Variants in HS3ST4 observed in about 807,000 individuals in gnomAD.
The protein encoded by HS3ST4 is heparan sulfate glucosamine 3-O-sulfotransferase 4.
A neutral mutation model predicts 29.2 loss-of-function variants in HS3ST4; 17 were observed. The ratio of observed to expected loss-of-function variants is 0.58; its 90% CI spans 0.40 to 0.87. The LOEUF (loss-of-function observed/expected upper bound fraction) is 0.87, where lower values mean the gene tolerates loss of function less well. Ranked by LOEUF, HS3ST4 falls within the 40% of genes least tolerant of loss-of-function variation. HS3ST4 has a pLI of 0.00. For missense variants in HS3ST4, 627 were observed against 634.5 expected, an observed-to-expected ratio of 0.99 and a Z score of 0.13; for synonymous variants, 314 against 285.7, an observed-to-expected ratio of 1.10 and a Z score of -1.00.
intron 1 of HS3ST4, among the ~76,000 whole-genome samples, chr16:25,883,604 T>TCTAAC (rs1967916718): frequency 6.6e-6 from 1 of 152,340 alleles, no homozygotes; most frequent in African/African-American, 2.4e-5. Flanking sequence ...AACCTATGTG[T>TCTAAC]CTTCTGGAAT....
chr16:25,914,780 C>T (rs1008897659), intron 1 of HS3ST4, among the ~76,000 whole-genome samples: 1 of 151,842 alleles, frequency 6.6e-6, no homozygotes, highest in African/African-American at 2.4e-5. Flanking sequence ...TTGGAGCCTG[C>T]TGTGCTTGAG....
At chr16:26,097,482 A>G (rs1004799346) in intron 1 of HS3ST4, among the ~76,000 whole-genome samples, 1 of 152,246 alleles carries the variant, frequency 6.6e-6, no homozygotes, top group Admixed American at 6.5e-5. Context: ...AGAAATAGGA[A>G]AAGGATTCCC....
At chr16:26,116,693 A>T (rs1596687042) in intron 1 of HS3ST4, among the ~76,000 whole-genome samples, 1 of 152,138 alleles carries the variant, frequency 6.6e-6, no homozygotes, top group African/African-American at 2.4e-5. Flanking sequence ...ACATTTGTTT[A>T]TTTATTATTT....
At chr16:25,853,851 G>A (rs562978606) in intron 1 of HS3ST4, among the ~76,000 whole-genome samples, 2 of 152,224 alleles carry the variant, frequency 1.3e-5, no homozygotes, top group South Asian at 4.1e-4. Flanking sequence ...TTTTGTATCA[G>A]GGTGGTGCTA....
intron 1 of HS3ST4, among the ~76,000 whole-genome samples, chr16:25,927,763 C>T (rs7206013): frequency 2.6e-5 from 4 of 151,710 alleles, no homozygotes; most frequent in Non-Finnish European, 5.9e-5. Flanking sequence ...TATTGAAAAC[C>T]CCTCCATTCC....
chr16:26,091,941 T>C (rs1898862565), intron 1 of HS3ST4, among the ~76,000 whole-genome samples: 1 of 152,156 alleles, frequency 6.6e-6, no homozygotes, highest in Non-Finnish European at 1.5e-5. Flanking sequence ...TGAAAACCCC[T>C]TCCCTCCTGG....
intron 1 of HS3ST4, among the ~76,000 whole-genome samples, chr16:25,845,655 A>G (rs1967459033): frequency 7.3e-6 from 1 of 136,972 alleles, no homozygotes; most frequent in African/African-American, 3.4e-5. Context: ...ATGTAATAAT[A>G]ATAATAATAA....
chr16:25,801,351 ATAT>A (rs1966932210), intron 1 of HS3ST4, among the ~76,000 whole-genome samples: 1 of 152,118 alleles, frequency 6.6e-6, no homozygotes, highest in Non-Finnish European at 1.5e-5. Context: ...GCAGTTTTTA[ATAT>A]TATTATGATA....
intron 1 of HS3ST4, among the ~76,000 whole-genome samples, chr16:26,006,067 G>A (rs977211687): frequency 6.6e-6 from 1 of 152,030 alleles, no homozygotes; most frequent in Non-Finnish European, 1.5e-5. Flanking sequence ...GGGAGGCTGA[G>A]GTATGTGAAT....
intron 1 of HS3ST4, among the ~76,000 whole-genome samples, chr16:25,776,142 T>C (rs1966847365): frequency 6.6e-6 from 1 of 152,150 alleles, no homozygotes; most frequent in South Asian, 2.1e-4. Context: ...GCTCAGAGTT[T>C]TTCTACATAG....
At chr16:26,043,236 C>A (rs546086011) in intron 1 of HS3ST4, among the ~76,000 whole-genome samples, 77 of 152,242 alleles carry the variant, frequency 5.1e-4, no homozygotes, top group African/African-American at 1.7e-3. Flanking sequence ...TATGGTAAAG[C>A]AACTTTACAA....
chr16:25,930,766 T>C (rs1968454652), intron 1 of HS3ST4, among the ~76,000 whole-genome samples: 1 of 152,156 alleles, frequency 6.6e-6, no homozygotes, highest in Admixed American at 6.5e-5. Context: ...CCTACCGATG[T>C]AGGGATCCCA....
chr16:25,796,794 T>C (rs1966888473), intron 1 of HS3ST4, among the ~76,000 whole-genome samples: 1 of 152,214 alleles, frequency 6.6e-6, no homozygotes, highest in African/African-American at 2.4e-5. Context: ...TTAGACTCAC[T>C]TTTAATGACA....
At chr16:26,006,177 T>C (rs1234542707) in intron 1 of HS3ST4, among the ~76,000 whole-genome samples, 2 of 151,676 alleles carry the variant, frequency 1.3e-5, no homozygotes, top group African/African-American at 4.8e-5. Context: ...TGCACACCTG[T>C]AGTCCCAGCT....
At chr16:26,020,970 C>G (rs577962864) in intron 1 of HS3ST4, among the ~76,000 whole-genome samples, 3 of 152,174 alleles carry the variant, frequency 2.0e-5, no homozygotes. Flanking sequence ...GTTCTTGCCT[C>G]ATAAAGGAAT....
At chr16:26,013,224 G>A (rs1969327774) in intron 1 of HS3ST4, among the ~76,000 whole-genome samples, 1 of 151,862 alleles carries the variant, frequency 6.6e-6, no homozygotes, top group Admixed American at 6.6e-5. Context: ...AAAACAAACA[G>A]AAGAACACAT....
At chr16:25,900,889 A>G (rs1968114590) in intron 1 of HS3ST4, among the ~76,000 whole-genome samples, 1 of 152,174 alleles carries the variant, frequency 6.6e-6, no homozygotes, top group Non-Finnish European at 1.5e-5. Flanking sequence ...CCTAGATTAC[A>G]TGATTACATT....
chr16:25,998,627 G>A (rs995139163), intron 1 of HS3ST4, among the ~76,000 whole-genome samples: 3 of 152,114 alleles, frequency 2.0e-5, no homozygotes, highest in Non-Finnish European at 4.4e-5. Context: ...TATGACATTT[G>A]ATGAAGATTT....
At position 26,007,106 on chromosome 16, in the gene HS3ST4, G is replaced by A. The variant is rs148927032; in HGVS notation, c.735-128506G>A. 5.0e-3 allele frequency among the ~76,000 whole-genome samples: 758 copies of A among 152,296 alleles called. 6 individuals are homozygous for A. Among genetic ancestry groups the A allele is most frequent in the African/African-American group, 0.017 (719 of 41,544 alleles). On this transcript the variant is annotated intron_variant, in intron 1 of 1. Transcript: ENST00000331351. ...GATTTCATATGCTATGTGGATTTGGGGATTCTCTTGAACTATCGGAAGATC... is the reference window on the plus strand; with the variant it reads ...GATTTCATATGCTATGTGGATTTGGAGATTCTCTTGAACTATCGGAAGATC...
Sources: allele counts gnomAD v4.1 joint callset (sites outside exome capture counted in the v4.1 genomes callset), GRCh38; gene constraint gnomAD v4.1.1; transcripts MANE v1.5; gene names NCBI Gene and HGNC (gene_info 2026-07-23, HGNC 2026-07-21).